LINGO2: variants seen among roughly 807,000 people sequenced by gnomAD.
LINGO2 encodes leucine-rich repeat and immunoglobulin-like domain-containing nogo receptor-interacting protein 2.
In LINGO2, 14 loss-of-function variants were observed where a neutral mutation model predicts 30.6. The observed-to-expected ratio is 0.46, with a 90% CI of 0.30 to 0.72. The LOEUF is 0.72. LINGO2 is among the 30% of genes least tolerant of loss of function. LINGO2 has a pLI of 0.07. For missense variants in LINGO2, 729 were observed against 751.7 expected (o/e 0.97, Z 0.35); for synonymous variants, 317 against 288.5 (o/e 1.10, Z -1.00).
At chr9:27,973,653 T>C (rs756909860) in intron 5 of LINGO2, among the ~76,000 whole-genome samples, 8 of 152,164 alleles carry the variant, frequency 5.3e-5, no homozygotes, top group Non-Finnish European at 1.0e-4. Flanking sequence ...ACTGCCAGCT[T>C]AGCCCAGCCT....
chr9:28,603,806 T>A (rs553603040), intron 1 of LINGO2, among the ~76,000 whole-genome samples: 2 of 152,106 alleles, frequency 1.3e-5, no homozygotes, highest in Admixed American at 1.3e-4. Context: ...GTTCCTAGTG[T>A]TTTTGATGTA....
chr9:28,393,239 C>G (rs969322260), intron 2 of LINGO2, among the ~76,000 whole-genome samples: 1 of 152,212 alleles, frequency 6.6e-6, no homozygotes, highest in African/African-American at 2.4e-5. Context: ...TGAAAAAACA[C>G]AAACACTGCC....
At chr9:28,745,245 G>T in the LINGO2 span, among the ~76,000 whole-genome samples, 1 of 152,090 alleles carries the variant, frequency 6.6e-6, no homozygotes, top group South Asian at 2.1e-4. Context: ...TTATTATTCA[G>T]TCAGTGTGTG....
At chr9:28,725,570 G>GAAAAAAA in the LINGO2 span, among the ~76,000 whole-genome samples, 2 of 85,722 alleles carry the variant, frequency 2.3e-5, no homozygotes, top group Non-Finnish European at 5.1e-5. Context: ...GGAATAAAAA[G>GAAAAAAA]AAAAAAAAAA....
chr9:28,975,450 C>T, the LINGO2 span, among the ~76,000 whole-genome samples: 4 of 152,110 alleles, frequency 2.6e-5, no homozygotes, highest in Non-Finnish European at 1.5e-5. Flanking sequence ...GAAAAGAAGG[C>T]TACTGGCCTT....
At chr9:28,290,619 A>AT (rs1264144035) in intron 4 of LINGO2, among the ~76,000 whole-genome samples, 1 of 152,194 alleles carries the variant, frequency 6.6e-6, no homozygotes, top group African/African-American at 2.4e-5. Flanking sequence ...AGAGGTTTAT[A>AT]TAGCAGGGAA....
At chr9:29,113,543 A>G in the LINGO2 span, among the ~76,000 whole-genome samples, 1 of 152,216 alleles carries the variant, frequency 6.6e-6, no homozygotes, top group Non-Finnish European at 1.5e-5. Context: ...CCAACACCAC[A>G]GACATCATAA....
At chr9:28,818,470 T>C in the LINGO2 span, among the ~76,000 whole-genome samples, 4 of 152,116 alleles carry the variant, frequency 2.6e-5, no homozygotes, top group African/African-American at 9.7e-5. Flanking sequence ...CTGCAACCTC[T>C]ACCTCCTGGG....
At chr9:29,094,701 A>G in the LINGO2 span, among the ~76,000 whole-genome samples, 2 of 139,022 alleles carry the variant, frequency 1.4e-5, 1 homozygote, top group African/African-American at 5.4e-5. Context: ...TATCTCTCCC[A>G]ATAATTTTAT....
chr9:28,699,430 G>A, the LINGO2 span, among the ~76,000 whole-genome samples: 1 of 151,916 alleles, frequency 6.6e-6, no homozygotes, highest in Non-Finnish European at 1.5e-5. Flanking sequence ...TCTTAATCCT[G>A]TTATCTTTGT....
At chr9:28,846,324 C>T in the LINGO2 span, among the ~76,000 whole-genome samples, 1 of 151,660 alleles carries the variant, frequency 6.6e-6, no homozygotes, top group Non-Finnish European at 1.5e-5. Context: ...TCGAGCCCAT[C>T]ATACCCAAAA....
chr9:28,768,550 C>T, the LINGO2 span, among the ~76,000 whole-genome samples: 1 of 151,568 alleles, frequency 6.6e-6, no homozygotes, highest in Non-Finnish European at 1.5e-5. Context: ...CAAAGCTGAG[C>T]ACTGGAGATG....
chr9:29,079,707 G>A, the LINGO2 span, among the ~76,000 whole-genome samples: 1 of 151,852 alleles, frequency 6.6e-6, no homozygotes, highest in South Asian at 2.1e-4. Flanking sequence ...TATAAGCAAC[G>A]AAAGATATGC....
intron 4 of LINGO2, among the ~76,000 whole-genome samples, chr9:28,175,030 C>G (rs948263712): frequency 6.6e-6 from 1 of 152,000 alleles, no homozygotes; most frequent in African/African-American, 2.4e-5. Context: ...ACTGCCTGCC[C>G]ATACCAGCAT....
intron 3 of LINGO2, among the ~76,000 whole-genome samples, chr9:28,337,052 C>T (rs1331921): frequency 0.98 from 146,510 of 148,878 alleles, 72,130 homozygotes; most frequent in Middle Eastern, 1. Context: ...TATAAATGAA[C>T]ATATATACTT....
At chr9:28,674,339 G>C (rs1054420687), upstream of LINGO2, among the ~76,000 whole-genome samples, 1 of 152,112 alleles carries the variant, frequency 6.6e-6, no homozygotes, top group South Asian at 2.1e-4. Flanking sequence ...TAGGTTTATA[G>C]TGATATTCTA....
chr9:28,520,489 C>G (rs2135397743), intron 1 of LINGO2, among the ~76,000 whole-genome samples: 1 of 152,086 alleles, frequency 6.6e-6, no homozygotes, highest in Non-Finnish European at 1.5e-5. Flanking sequence ...TCCTTATTGT[C>G]TTTGCTTTTC....
chr9:28,353,485 T>C (rs975466522), intron 3 of LINGO2, among the ~76,000 whole-genome samples: 1 of 152,024 alleles, frequency 6.6e-6, no homozygotes, highest in African/African-American at 2.4e-5. Flanking sequence ...ATGGCATTCA[T>C]TAAAAAGTCA....
intron 3 of LINGO2, among the ~76,000 whole-genome samples, chr9:28,339,249 C>G (rs1321715586): frequency 6.6e-6 from 1 of 151,532 alleles, no homozygotes; most frequent in Non-Finnish European, 1.5e-5. Context: ...ATATTAATGA[C>G]TACTACTAAT....
Sources: allele counts gnomAD v4.1 joint callset (sites outside exome capture counted in the v4.1 genomes callset), GRCh38; gene constraint gnomAD v4.1.1; transcripts MANE v1.5; gene names NCBI Gene and HGNC (gene_info 2026-07-23, HGNC 2026-07-21).